C10orf143: variants seen among roughly 807,000 people sequenced by gnomAD.
C10orf143 encodes the protein uncharacterized protein C10orf143.
intron 3 of C10orf143, among the ~76,000 whole-genome samples, chr10:130,043,964 C>G (rs964220514): frequency 6.6e-6 from 1 of 151,730 alleles, no homozygotes; most frequent in Non-Finnish European, 1.5e-5. Flanking sequence ...GGCACCTGGA[C>G]AGTGCCCAGG....
At chr10:130,070,529 A>T (rs1861013112) in intron 3 of C10orf143, among the ~76,000 whole-genome samples, 1 of 152,160 alleles carries the variant, frequency 6.6e-6, no homozygotes, top group South Asian at 2.1e-4. Flanking sequence ...TGTCATGATG[A>T]CCTATCTATG....
At chr10:130,045,670 G>T (rs969912607) in intron 3 of C10orf143, among the ~76,000 whole-genome samples, 3 of 152,240 alleles carry the variant, frequency 2.0e-5, no homozygotes, top group Non-Finnish European at 4.4e-5. Flanking sequence ...GGCTGCCATG[G>T]TATGTCCAGC....
intron 1 of C10orf143, among the ~76,000 whole-genome samples, chr10:130,103,723 T>C (rs1324544429): frequency 1.3e-5 from 2 of 151,668 alleles, no homozygotes; most frequent in African/African-American, 4.9e-5. Flanking sequence ...GGCAGGAGGA[T>C]CGCTTGAACC....
chr10:130,038,560 G>C (rs530475676), intron 3 of C10orf143, among the ~76,000 whole-genome samples: 1 of 152,206 alleles, frequency 6.6e-6, no homozygotes, highest in South Asian at 2.1e-4. Context: ...AAATGGTTTC[G>C]GGGGATTATT....
intron 1 of C10orf143, among the ~76,000 whole-genome samples, chr10:130,084,604 G>A (rs937015933): frequency 9.9e-5 from 15 of 151,860 alleles, no homozygotes; most frequent in Admixed American, 7.2e-4. Flanking sequence ...CAGAGATATA[G>A]AAATATATAA....
intron 3 of C10orf143, among the ~76,000 whole-genome samples, chr10:130,050,522 C>A (rs1265126263): frequency 6.6e-6 from 1 of 152,220 alleles, no homozygotes; most frequent in Non-Finnish European, 1.5e-5. Context: ...AGACCCTGTC[C>A]ATTCATTCAT....
intron 1 of C10orf143, chr10:130,108,017 G>C (rs1355887536): frequency 6.6e-7 from 1 of 1,505,766 alleles, no homozygotes; most frequent in Middle Eastern, 1.7e-4. Flanking sequence ...TTCAGAAATG[G>C]AATCCAGTAG....
At chr10:130,081,990 G>T (rs77486951) in intron 1 of C10orf143, among the ~76,000 whole-genome samples, 1 of 150,968 alleles carries the variant, frequency 6.6e-6, no homozygotes, top group East Asian at 2.0e-4. Flanking sequence ...AACCCTGAAG[G>T]AAAAAATAAA....
At chr10:130,096,554 A>G (rs963999244) in intron 1 of C10orf143, among the ~76,000 whole-genome samples, 1 of 66,526 alleles carries the variant, frequency 1.5e-5, no homozygotes, top group Non-Finnish European at 3.5e-5. Context: ...ATGCCCATCA[A>G]TGACAGACTG....
chr10:130,088,976 G>A (rs1286686145), intron 1 of C10orf143, among the ~76,000 whole-genome samples: 2 of 152,128 alleles, frequency 1.3e-5, no homozygotes, highest in African/African-American at 4.8e-5. Context: ...TCTTGATACT[G>A]TGACCTTTTT....
At chr10:130,063,341 A>G (rs1860877965), downstream of C10orf143, among the ~76,000 whole-genome samples, 2 of 152,144 alleles carry the variant, frequency 1.3e-5, no homozygotes, top group Admixed American at 1.3e-4. Flanking sequence ...TGGAAAAGAG[A>G]AGAACAAACT....
At chr10:130,082,194 T>C (rs546908294) in intron 1 of C10orf143, among the ~76,000 whole-genome samples, 2 of 151,996 alleles carry the variant, frequency 1.3e-5, no homozygotes, top group Non-Finnish European at 2.9e-5. Context: ...TTTTTTTTTT[T>C]AGAGATGAGG....
chr10:130,045,057 C>T lies in C10orf143; in HGVS notation c.298-9087G>A, dbSNP rs1400049618. On this transcript the variant is annotated intron_variant and NMD_transcript_variant, in intron 3 of 5. Coordinates refer to the C10orf143 transcript ENST00000643056. ...CCCTCCTGCCCTGTCCCCCCGTCCC[C>T]TCTGTTCTCTGGGGTCCAGGGGCCC... is the stretch of plus-strand genomic sequence containing the variant. Among the ~76,000 whole-genome samples, 23 of 152,226 alleles carry T rather than the reference C, an allele frequency of 1.5e-4. 1 individual carries two copies. The highest frequency in any genetic ancestry group is 1.5e-3 in the Admixed American group (23 of 15,282).
chr10:130,069,326 C>A (rs531889715), intron 3 of C10orf143, among the ~76,000 whole-genome samples: 64 of 152,254 alleles, frequency 4.2e-4, no homozygotes, highest in African/African-American at 1.5e-3. Flanking sequence ...CAATATCCAA[C>A]AAAACCAAAC....
At position 130,106,997 on chromosome 10, in the gene C10orf143, A is replaced by C. The variant is rs763967445; in HGVS notation, c.69+3707T>G. Reference sequence around the variant, plus strand: ...AGCTCTGAAGAAACTGATTCATGCTACTAAGTTAAATGCTTCTTTAAAAAC... The same window carrying C: ...AGCTCTGAAGAAACTGATTCATGCTCCTAAGTTAAATGCTTCTTTAAAAAC... On this transcript the variant is annotated intron_variant, in intron 1 of 3. Transcript: ENST00000637128. 4 of 1,096,102 alleles carry C rather than the reference A, an allele frequency of 3.6e-6. No homozygotes were observed. In the African/African-American group the frequency reaches 6.1e-5, roughly 17 times the overall value. The allele number at this position is 1,096,102 out of a possible 1,614,324, so 67.9% of individuals were successfully genotyped here. A position where few individuals can be genotyped will look rare whatever the true frequency, so the allele number is the denominator to read the frequency against.
chr10:130,035,499 C>T (rs1860534905), intron 4 of C10orf143, among the ~76,000 whole-genome samples: 1 of 152,320 alleles, frequency 6.6e-6, no homozygotes, highest in South Asian at 2.1e-4. Context: ...ACTACCCTCT[C>T]CTAAAAGGCT....
chr10:130,098,765 T>C (rs184670764), intron 1 of C10orf143, among the ~76,000 whole-genome samples: 1 of 152,182 alleles, frequency 6.6e-6, no homozygotes, highest in East Asian at 1.9e-4. Flanking sequence ...TGACTTTCTG[T>C]GTCATATATA....
At chr10:130,046,878 G>T (rs1204887847) in intron 3 of C10orf143, among the ~76,000 whole-genome samples, 1 of 152,260 alleles carries the variant, frequency 6.6e-6, no homozygotes, top group Non-Finnish European at 1.5e-5. Context: ...GACCTTTCTG[G>T]GGGTGACAGA....
intron 1 of C10orf143, among the ~76,000 whole-genome samples, chr10:130,087,660 T>C (rs1209153945): frequency 6.6e-6 from 1 of 152,156 alleles, no homozygotes; most frequent in Non-Finnish European, 1.5e-5. Flanking sequence ...GTGAAGTGTC[T>C]ATAAGGGATA....
Sources: allele counts gnomAD v4.1 joint callset (sites outside exome capture counted in the v4.1 genomes callset), GRCh38; gene constraint gnomAD v4.1.1; transcripts MANE v1.5; gene names NCBI Gene and HGNC (gene_info 2026-07-23, HGNC 2026-07-21).